The following SERPINB7 variants were observed in gnomAD, a reference collection of about 807,000 sequenced individuals.
SERPINB7 encodes serpin B7.
In SERPINB7, 31 loss-of-function variants were observed where a neutral mutation model predicts 37.4. The observed-to-expected ratio is 0.83, with a 90% CI of 0.62 to 1.12. The LOEUF is 1.12. Among genes scored for constraint, SERPINB7 ranks in the 50% most tolerant of loss-of-function variants. The pLI is 0.00. For synonymous variants in SERPINB7, 163 were observed against 166.1 expected, an observed-to-expected ratio of 0.98 and a Z score of 0.14; for missense variants, 521 against 455.3, an observed-to-expected ratio of 1.14 and a Z score of -1.31.
chr18:63,758,517 A>T (rs2049134387), intron 1 of SERPINB7, among the ~76,000 whole-genome samples: 2 of 152,182 alleles, frequency 1.3e-5, no homozygotes, highest in South Asian at 2.1e-4. Context: ...CTAAATAAGA[A>T]TAATGTGTCT....
In SERPINB7 at chr18:63,800,930, A is replaced by C. The variant is rs762162216; in HGVS notation, c.662A>C (p.Asp221Ala). 84 of 1,613,716 alleles carry C rather than the reference A, an allele frequency of 5.2e-5. No individual in the cohort carries two copies. Among genetic ancestry groups the C allele is most frequent in the Non-Finnish European group, 7.0e-5 (83 of 1,179,732 alleles). The part of the protein sequence containing the change: ...ERKFNLSVIE[D>A]PSMKILELRY... Reference sequence around the variant, plus strand: ...AAGTTCAATTTGTCTGTTATTGAGGACCCATCAATGAAGATTCTTGAGCTC... The same window carrying C: ...AAGTTCAATTTGTCTGTTATTGAGGCCCCATCAATGAAGATTCTTGAGCTC... Residue 221 changes from aspartate to alanine, a missense_variant, in exon 7 of 8, where the codon GAC becomes GCC. Physicochemically the swap from Asp to Ala is moderately radical, Grantham distance 126 (BLOSUM62 -2). Coordinates refer to ENST00000398019, the MANE Select transcript of SERPINB7 (RefSeq NM_003784.4).
At chr18:63,767,631 AT>A (rs1440125911) in intron 1 of SERPINB7, among the ~76,000 whole-genome samples, 3 of 152,028 alleles carry the variant, frequency 2.0e-5, no homozygotes, top group Non-Finnish European at 4.4e-5. Flanking sequence ...ATGTATTATA[AT>A]TTTTATATAT....
chr18:63,803,647 T>G (rs2049573247), intron 7 of SERPINB7, among the ~76,000 whole-genome samples: 1 of 152,194 alleles, frequency 6.6e-6, no homozygotes, highest in South Asian at 2.1e-4. Flanking sequence ...TACATCCTCC[T>G]GCACTTCAGT....
At chr18:63,785,655 G>GA (rs1254184938) in intron 2 of SERPINB7, among the ~76,000 whole-genome samples, 12 of 151,936 alleles carry the variant, frequency 7.9e-5, no homozygotes, top group African/African-American at 2.9e-4. Context: ...CCATTTGAGT[G>GA]AAAGAGCTGG....
At chr18:63,778,250 T>C (rs984710681) in intron 1 of SERPINB7, 1 of 152,168 alleles carries the variant, frequency 6.6e-6, no homozygotes, top group African/African-American at 2.4e-5. Flanking sequence ...GTGCATAATA[T>C]ACTAATTTGA....
rs559828426 is a variant in SERPINB7, at chr18:63,779,746, G to T, written c.-18-2609G>T. Among the ~76,000 whole-genome samples the T allele has an allele frequency of 1.4e-4, 22 of 151,862 alleles. 1 individual carries two copies. In the South Asian group the frequency reaches 4.4e-3, roughly 30 times the overall value. On this transcript the variant is annotated intron_variant, in intron 1 of 7. Transcript: ENST00000398019. ...GTGTAGCTTCTCTTTTGTTCAATAA[G>T]ATTATAATTTCATCAATAATTTACC...
intron 1 of SERPINB7, among the ~76,000 whole-genome samples, chr18:63,757,515 G>A (rs908790972): frequency 6.6e-6 from 1 of 152,152 alleles, no homozygotes; most frequent in Non-Finnish European, 1.5e-5. Flanking sequence ...TAGGGTAGGG[G>A]TTGGCAAACT....
intron 1 of SERPINB7, among the ~76,000 whole-genome samples, chr18:63,762,394 G>T (rs1481237010): frequency 6.6e-6 from 1 of 152,144 alleles, no homozygotes; most frequent in Non-Finnish European, 1.5e-5. Flanking sequence ...GTCTTTGTAG[G>T]TTGATTCAGA....
intron 2 of SERPINB7, 36 bp downstream of exon 2, chr18:63,782,576 A>G: frequency 6.5e-7 from 1 of 1,548,302 alleles, no homozygotes; most frequent in South Asian, 1.2e-5. Context: ...CACTGGGACA[A>G]ATTGTTTTTC....
At chr18:63,790,464 C>A (rs1203691859) in intron 2 of SERPINB7, among the ~76,000 whole-genome samples, 1 of 152,174 alleles carries the variant, frequency 6.6e-6, no homozygotes, top group East Asian at 1.9e-4. Flanking sequence ...CTCTATCAGA[C>A]TAATATGGTC....
intron 2 of SERPINB7, among the ~76,000 whole-genome samples, chr18:63,783,242 GAA>G (rs1198904920): frequency 8.5e-6 from 1 of 117,728 alleles, no homozygotes; most frequent in Non-Finnish European, 1.9e-5. Context: ...GAGAAAGAAA[GAA>G]AGAAAGAAAG....
At position 63,793,224 on chromosome 18, in the gene SERPINB7, G is replaced by A. The variant is rs147571459; in HGVS notation, c.283G>A (p.Asp95Asn). Reference protein sequence around the residue: ...SDINASHKDYDLSIVNGLFAE... With the variant: ...SDINASHKDYNLSIVNGLFAE... Reference sequence around the variant, plus strand: ...TATAAATGCATCCCACAAGGATTATGATCTCAGCATTGTGAATGGGCTTTT... The same window carrying A: ...TATAAATGCATCCCACAAGGATTATAATCTCAGCATTGTGAATGGGCTTTT... The change falls in exon 4 of 8, where the codon GAT becomes AAT. Residue 95 changes from aspartate (D) to asparagine (N), a missense_variant. Coordinates refer to ENST00000398019, the MANE Select transcript of SERPINB7 (RefSeq NM_003784.4). 30 of 1,609,908 alleles carry A rather than the reference G, an allele frequency of 1.9e-5. No individual in the cohort carries two copies. Among genetic ancestry groups the A allele is most frequent in the Non-Finnish European group, 2.5e-5 (30 of 1,177,658 alleles).
At chr18:63,756,824 G>GTGTGTC (rs931532424) in intron 1 of SERPINB7, among the ~76,000 whole-genome samples, 43 of 151,504 alleles carry the variant, frequency 2.8e-4, no homozygotes, top group African/African-American at 9.9e-4. Context: ...GTGTGTGTGT[G>GTGTGTC]TGTGTGTGTG....
At chr18:63,761,821 T>A (rs1245327054) in intron 1 of SERPINB7, among the ~76,000 whole-genome samples, 1 of 152,210 alleles carries the variant, frequency 6.6e-6, no homozygotes, top group Non-Finnish European at 1.5e-5. Flanking sequence ...TGTGGAACTG[T>A]AAGTTCAATT....
intron 7 of SERPINB7, among the ~76,000 whole-genome samples, chr18:63,802,320 C>T (rs1256796590): frequency 1.3e-5 from 2 of 152,126 alleles, no homozygotes; most frequent in South Asian, 2.1e-4. Flanking sequence ...TTTTTCAGCC[C>T]TTTTTCTGCT....
intron 2 of SERPINB7, among the ~76,000 whole-genome samples, chr18:63,788,225 T>C (rs181445153): frequency 5.3e-4 from 80 of 152,336 alleles, no homozygotes; most frequent in Middle Eastern, 6.8e-3. Flanking sequence ...GATGGTGCCA[T>C]GCGTGGTAAT....
At chr18:63,755,559 A>C (rs150213914) in intron 1 of SERPINB7, among the ~76,000 whole-genome samples, 166 of 152,288 alleles carry the variant, frequency 1.1e-3, no homozygotes, top group African/African-American at 3.8e-3. Flanking sequence ...TTAGTGAGGC[A>C]AGCTATGCTT....
At chr18:63,766,361 T>C (rs2049180614) in intron 1 of SERPINB7, among the ~76,000 whole-genome samples, 1 of 152,190 alleles carries the variant, frequency 6.6e-6, no homozygotes. Context: ...ATACAGTGTG[T>C]ATGTTTGTTT....
intron 2 of SERPINB7, 91 bp from the exon 3 acceptor site, chr18:63,792,302 G>A: frequency 1.1e-6 from 1 of 937,884 alleles, no homozygotes; most frequent in Non-Finnish European, 1.7e-6. Flanking sequence ...CACATTTATT[G>A]GGAAAGAATA....
Sources: allele counts gnomAD v4.1 joint callset (sites outside exome capture counted in the v4.1 genomes callset), GRCh38; gene constraint gnomAD v4.1.1; transcripts MANE v1.5; gene names NCBI Gene and HGNC (gene_info 2026-07-23, HGNC 2026-07-21).